The following GLIS1 variants were observed in gnomAD, a reference collection of about 807,000 sequenced individuals.
GLIS1 encodes the protein zinc finger protein GLIS1.
A neutral mutation model predicts 63.8 loss-of-function variants in GLIS1; 24 were observed. The observed-to-expected ratio is 0.38, with a 90% CI of 0.27 to 0.53. The LOEUF (loss-of-function observed/expected upper bound fraction) is 0.53, where lower values mean the gene tolerates loss of function less well. Ranked by LOEUF, GLIS1 falls within the 20% of genes least tolerant of loss-of-function variation. GLIS1 has a pLI of 0.85. For synonymous variants in GLIS1, 450 were observed against 482.5 expected (o/e 0.93, Z 0.88); for missense variants, 1,036 against 1,074.1 (o/e 0.96, Z 0.50).
Position 53,689,390 on chromosome 1 carries a change from T to C in GLIS1, c.259+48416A>G, listed in dbSNP as rs978280660. Among the ~76,000 whole-genome samples, 3 of 152,158 alleles carry C rather than the reference T, an allele frequency of 2.0e-5. No homozygotes were observed. In the East Asian group the frequency reaches 5.8e-4, roughly 29 times the overall value. ...AGAAGCATTTACCCTGGCTGGGCTC[T>C]GGTTCCAGTCCTCCCTCCTGGCTGC... On this transcript the variant is annotated intron_variant, in intron 2 of 10. Coordinates refer to ENST00000628545, the MANE Select transcript of GLIS1 (RefSeq NM_001367484.1).
intron 2 of GLIS1, among the ~76,000 whole-genome samples, chr1:53,614,817 CACAT>C (rs1388880722): frequency 4.0e-5 from 6 of 151,708 alleles, no homozygotes; most frequent in Non-Finnish European, 5.9e-5. Flanking sequence ...CACATGCACA[CACAT>C]ACTCTTTCAC....
intron 2 of GLIS1, among the ~76,000 whole-genome samples, chr1:53,621,108 C>T (rs1008919269): frequency 1.3e-5 from 2 of 152,248 alleles, no homozygotes; most frequent in East Asian, 3.8e-4. Context: ...AACCTAACCT[C>T]TCTGTGCCTC....
chr1:53,600,967 C>A (rs1254889328), intron 2 of GLIS1, among the ~76,000 whole-genome samples: 1 of 152,198 alleles, frequency 6.6e-6, no homozygotes, highest in African/African-American at 2.4e-5. Flanking sequence ...TGAAAAACCA[C>A]ATAAAGTGTA....
chr1:53,629,289 T>C (rs1351036736), intron 2 of GLIS1, among the ~76,000 whole-genome samples: 5 of 152,162 alleles, frequency 3.3e-5, no homozygotes, highest in Non-Finnish European at 7.4e-5. Context: ...GCTCAAATGC[T>C]TCCTCCCTGA....
chr1:53,724,241 T>C (rs1412165444), intron 2 of GLIS1, among the ~76,000 whole-genome samples: 1 of 152,118 alleles, frequency 6.6e-6, no homozygotes, highest in Non-Finnish European at 1.5e-5. Context: ...GACAAGAGTG[T>C]CAGGAAACAG....
intron 2 of GLIS1, among the ~76,000 whole-genome samples, chr1:53,701,704 A>G (rs1197671537): frequency 6.6e-6 from 1 of 152,188 alleles, no homozygotes; most frequent in East Asian, 1.9e-4. Flanking sequence ...TGAAAATGAA[A>G]GAACTGGGTT....
At chr1:53,548,478 G>A (rs774203435) in intron 4 of GLIS1, among the ~76,000 whole-genome samples, 3 of 152,218 alleles carry the variant, frequency 2.0e-5, no homozygotes, top group Non-Finnish European at 4.4e-5. Context: ...CTCATCCCGT[G>A]ACAACGCTGC....
chr1:53,530,098 A>C, intron 4 of GLIS1, 146 bp from the exon 5 acceptor site: 1 of 712,896 alleles, frequency 1.4e-6, no homozygotes, highest in South Asian at 1.9e-5. Context: ...TCAGCTCCCC[A>C]TGAAGTGCTC....
intron 2 of GLIS1, among the ~76,000 whole-genome samples, chr1:53,634,358 C>T (rs1475203646): frequency 6.6e-6 from 1 of 152,096 alleles, no homozygotes; most frequent in African/African-American, 2.4e-5. Context: ...AAGAAAGGGT[C>T]CAAGGGCTAA....
chr1:53,699,328 T>G (rs1646499801), intron 2 of GLIS1, among the ~76,000 whole-genome samples: 1 of 152,186 alleles, frequency 6.6e-6, no homozygotes. Flanking sequence ...CCTCCCAAAG[T>G]GCTGAGATTA....
chr1:53,563,293 T>C (rs1644908585), intron 4 of GLIS1, among the ~76,000 whole-genome samples: 1 of 152,328 alleles, frequency 6.6e-6, no homozygotes, highest in African/African-American at 2.4e-5. Context: ...AATGCTAAAA[T>C]GATCAGACTT....
At chr1:53,654,491 TC>T (rs1309826267) in intron 2 of GLIS1, among the ~76,000 whole-genome samples, 3 of 152,050 alleles carry the variant, frequency 2.0e-5, no homozygotes, top group African/African-American at 7.2e-5. Context: ...CCGGGGAAGA[TC>T]CAGATGGGCA....
chr1:53,641,248 T>C (rs1645784192), intron 2 of GLIS1, among the ~76,000 whole-genome samples: 2 of 152,170 alleles, frequency 1.3e-5, no homozygotes, highest in African/African-American at 4.8e-5. Context: ...GGCAAGTCCT[T>C]ACTCTTTCTG....
At chr1:53,575,655 G>C (rs1274483288) in intron 4 of GLIS1, among the ~76,000 whole-genome samples, 1 of 152,186 alleles carries the variant, frequency 6.6e-6, no homozygotes, top group South Asian at 2.1e-4. Context: ...CAAGATTCCT[G>C]GCTGTGTGGC....
intron 4 of GLIS1, among the ~76,000 whole-genome samples, chr1:53,534,197 G>T (rs1042022330): frequency 6.6e-6 from 1 of 151,972 alleles, no homozygotes; most frequent in Non-Finnish European, 1.5e-5. Flanking sequence ...GATGCATGGG[G>T]CTTGTGAGAC....
At chr1:53,640,138 G>A (rs1645770261) in intron 2 of GLIS1, among the ~76,000 whole-genome samples, 1 of 152,192 alleles carries the variant, frequency 6.6e-6, no homozygotes, top group Non-Finnish European at 1.5e-5. Context: ...GCCCTGTGCA[G>A]CAGGATGGGA....
intron 2 of GLIS1, among the ~76,000 whole-genome samples, chr1:53,627,493 G>C (rs543761066): frequency 9.4e-4 from 143 of 152,230 alleles, no homozygotes; most frequent in Non-Finnish European, 1.8e-3. Flanking sequence ...TTTTAAAATG[G>C]GACCCCAGTA....
chr1:53,620,832 C>T (rs547625988), intron 2 of GLIS1, among the ~76,000 whole-genome samples: 1 of 152,348 alleles, frequency 6.6e-6, no homozygotes, highest in African/African-American at 2.4e-5. Context: ...AATGCTGATC[C>T]ACTAAGCGAC....
At chr1:53,607,155 T>C (rs1314632939) in intron 2 of GLIS1, among the ~76,000 whole-genome samples, 1 of 152,266 alleles carries the variant, frequency 6.6e-6, no homozygotes, top group African/African-American at 2.4e-5. Flanking sequence ...ATATCACCTA[T>C]AAGGCTAGCA....
Sources: gnomAD v4.1 joint callset for allele counts (sites outside exome capture counted in the v4.1 genomes callset) on GRCh38, gnomAD v4.1.1 for gene constraint, MANE v1.5 for transcripts, NCBI Gene and HGNC (gene_info 2026-07-23, HGNC 2026-07-21) for gene names.